The following DPP6 variants were observed in gnomAD, a reference collection of about 807,000 sequenced individuals.
The protein encoded by DPP6 is dipeptidyl peptidase like 6, also known as A-type potassium channel modulatory protein DPP6.
In DPP6, 69 loss-of-function variants were observed where a neutral mutation model predicts 122.6. The ratio of observed to expected loss-of-function variants is 0.56; its 90% confidence interval spans 0.46 to 0.69. DPP6 has a LOEUF of 0.69. DPP6 is among the 30% of genes least tolerant of loss of function. DPP6 has a pLI of 0.00. For missense variants in DPP6, 928 were observed against 1,116.9 expected, an observed-to-expected ratio of 0.83 and a Z score of 2.41; for synonymous variants, 418 against 433.1, an observed-to-expected ratio of 0.97 and a Z score of 0.43.
At chr7:154,160,907 C>G (rs11768404) in intron 1 of DPP6, among the ~76,000 whole-genome samples, 14,610 of 151,924 alleles carry the variant, frequency 0.096, 1,266 homozygotes, top group African/African-American at 0.23. Context: ...GCAAAACCGC[C>G]GACAGCAAGA....
At chr7:154,212,929 T>G (rs1424938842) in intron 1 of DPP6, among the ~76,000 whole-genome samples, 1 of 152,110 alleles carries the variant, frequency 6.6e-6, no homozygotes, top group East Asian at 1.9e-4. Context: ...AAGGACAAGT[T>G]TAGCCCCAGG....
intron 1 of DPP6, among the ~76,000 whole-genome samples, chr7:154,336,552 G>C (rs73729110): frequency 0.011 from 1,715 of 152,282 alleles, 30 homozygotes; most frequent in African/African-American, 0.039. Flanking sequence ...GGATTTGCCA[G>C]AGCTGGAACG....
intron 5 of DPP6, among the ~76,000 whole-genome samples, chr7:154,570,122 G>A (rs1831020582): frequency 6.6e-6 from 1 of 151,902 alleles, no homozygotes; most frequent in Non-Finnish European, 1.5e-5. Flanking sequence ...GAAATCAGCT[G>A]TCTTGGCAGT....
chr7:154,667,129 C>A (rs970254993), intron 6 of DPP6, among the ~76,000 whole-genome samples: 1 of 151,236 alleles, frequency 6.6e-6, no homozygotes, highest in Non-Finnish European at 1.5e-5. Context: ...ATTTTTATGT[C>A]TTTTTGTGAA....
chr7:154,350,718 C>A (rs1224487859), intron 1 of DPP6, among the ~76,000 whole-genome samples: 3 of 152,130 alleles, frequency 2.0e-5, no homozygotes, highest in Admixed American at 1.3e-4. Context: ...GGTAACAGAC[C>A]ACCAGTACAC....
At chr7:154,796,683 T>TA (rs1382501829) in intron 12 of DPP6, among the ~76,000 whole-genome samples, 1 of 152,218 alleles carries the variant, frequency 6.6e-6, no homozygotes, top group Non-Finnish European at 1.5e-5. Flanking sequence ...GACACAGGTA[T>TA]GCTTCTTCAT....
At position 154,060,802 on chromosome 7, in the gene DPP6, GAC is replaced by G. The variant is rs1801725217; in HGVS notation, c.243+7740_243+7741del. 1.8e-5 allele frequency among the ~76,000 whole-genome samples: 2 copies of G among 112,588 alleles called. 1 individual carries two copies. The highest frequency in any genetic ancestry group is 3.6e-5 in the Non-Finnish European group (2 of 56,012). The allele number at this position is 112,588 out of a possible 152,430, so 73.9% of individuals were successfully genotyped here. A position where few individuals can be genotyped will look rare whatever the true frequency, so the allele number is the denominator to read the frequency against. On this transcript the variant is annotated intron_variant, in intron 1 of 25. Transcript: ENST00000377770. ...CTTAGGACGCCCATCACAGGAGGGGGACGCACCCCCCATGAGGCAGGGACTGA... is the reference window on the plus strand; with the variant it reads ...CTTAGGACGCCCATCACAGGAGGGGGGCACCCCCCATGAGGCAGGGACTGA...
At chr7:153,815,249 A>C in the DPP6 span, among the ~76,000 whole-genome samples, 2 of 152,044 alleles carry the variant, frequency 1.3e-5, no homozygotes, top group African/African-American at 2.4e-5. Flanking sequence ...CTGATAAGCA[A>C]CTTCAGCAAA....
Position 154,053,153 on chromosome 7 carries a change from G to T in DPP6, c.243+90G>T, listed in dbSNP as rs541898873. On this transcript the variant is annotated intron_variant, in intron 1 of 25. Coordinates refer to ENST00000377770, the MANE Select transcript of DPP6 (RefSeq NM_130797.4). ...GTCGGCAGGGGAAATTTTTTTTGGGGGGGGAATCAGGCGCCCTCCCCCCGC... is the reference window on the plus strand; with the variant it reads ...GTCGGCAGGGGAAATTTTTTTTGGGTGGGGAATCAGGCGCCCTCCCCCCGC... 1,116 of 871,496 alleles carry T rather than the reference G, an allele frequency of 1.3e-3. 23 individuals carry two copies. The highest frequency in any genetic ancestry group is 1.1e-3 in the Middle Eastern group (2 of 1,784). 54.0% of individuals were successfully genotyped at this position (871,496 alleles called of 1,614,324 possible).
intron 1 of DPP6, among the ~76,000 whole-genome samples, chr7:154,209,260 A>G (rs1386727597): frequency 6.6e-6 from 1 of 152,228 alleles, no homozygotes; most frequent in Non-Finnish European, 1.5e-5. Context: ...TGCATTCTGC[A>G]GCACCTGCTA....
At position 154,433,251 on chromosome 7, in the gene DPP6, T is replaced by A. The variant is rs535448405; in HGVS notation, c.244-12963T>A. Among the ~76,000 whole-genome samples, 10 of 146,284 alleles carry A rather than the reference T, an allele frequency of 6.8e-5. No homozygotes were observed. In the East Asian group the frequency reaches 1.3e-3, roughly 19 times the overall value. Reference sequence around the variant, plus strand: ...ACCTCTGCCTCCCAGGTTCAAGCAATTCTCCTGTCTCAGCCTCCCAAGTAG... The same window carrying A: ...ACCTCTGCCTCCCAGGTTCAAGCAAATCTCCTGTCTCAGCCTCCCAAGTAG... On this transcript the variant is annotated intron_variant, in intron 1 of 25. Coordinates refer to ENST00000377770, the MANE Select transcript of DPP6 (RefSeq NM_130797.4).
At chr7:154,440,099 G>A (rs1315710288) in intron 1 of DPP6, among the ~76,000 whole-genome samples, 3 of 152,110 alleles carry the variant, frequency 2.0e-5, no homozygotes, top group Non-Finnish European at 4.4e-5. Flanking sequence ...ATAATTAATT[G>A]CCAGTCCTCG....
At chr7:153,832,530 T>C in the DPP6 span, among the ~76,000 whole-genome samples, 1 of 152,336 alleles carries the variant, frequency 6.6e-6, no homozygotes, top group African/African-American at 2.4e-5. Flanking sequence ...ACAAGTTGCT[T>C]TTGTAGGCTA....
chr7:154,008,754 C>A (rs1467128077), intron 1 of DPP6, among the ~76,000 whole-genome samples: 1 of 150,380 alleles, frequency 6.6e-6, no homozygotes, highest in Non-Finnish European at 1.5e-5. Context: ...CTCCGCCTCC[C>A]AGGTTCACGC....
At chr7:153,995,300 T>C (rs57221922) in intron 1 of DPP6, among the ~76,000 whole-genome samples, 3,001 of 152,238 alleles carry the variant, frequency 0.02, 106 homozygotes, top group African/African-American at 0.068. Flanking sequence ...TAAGAAGGAA[T>C]GAAGGGCTGG....
chr7:154,060,809 C>A lies in DPP6; in HGVS notation c.243+7746C>A, dbSNP rs1389952868. 2.6e-4 allele frequency among the ~76,000 whole-genome samples: 34 copies of A among 129,278 alleles called. 3 individuals are homozygous for A. The highest frequency in any genetic ancestry group is 2.4e-3 in the Admixed American group (32 of 13,378). The allele number at this position is 129,278 out of a possible 152,430, so 84.8% of individuals were successfully genotyped here. A position where few individuals can be genotyped will look rare whatever the true frequency, so the allele number is the denominator to read the frequency against. ...CGCCCATCACAGGAGGGGGACGCACCCCCCATGAGGCAGGGACTGAGAGCC... is the reference window on the plus strand; with the variant it reads ...CGCCCATCACAGGAGGGGGACGCACACCCCATGAGGCAGGGACTGAGAGCC... On this transcript the variant is annotated intron_variant, in intron 1 of 25. Coordinates refer to ENST00000377770, the MANE Select transcript of DPP6 (RefSeq NM_130797.4).
intron 7 of DPP6, among the ~76,000 whole-genome samples, chr7:154,701,761 A>G (rs968558425): frequency 6.6e-5 from 10 of 152,180 alleles, no homozygotes; most frequent in Admixed American, 3.3e-4. Flanking sequence ...ATTCAAACCC[A>G]CAAAGTTATT....
rs1795481902 is a variant in DPP6 at position 154,760,685 on chromosome 7, G to A, written c.884-8732G>A. ...CCTTGCCACACTGGGACCTGTTTGAGCGTGAGGCAGGTGAGCAGAAGACAT... is the reference window on the plus strand; with the variant it reads ...CCTTGCCACACTGGGACCTGTTTGAACGTGAGGCAGGTGAGCAGAAGACAT... On this transcript the variant is annotated intron_variant, in intron 8 of 25. Transcript: ENST00000377770. The surrounding 1 kb of genome is among the most constrained non-coding windows in gnomAD (Gnocchi z 4.5). 6.6e-6 allele frequency among the ~76,000 whole-genome samples: 1 copy of A among 152,134 alleles called. No individual in the cohort carries two copies. The highest frequency in any genetic ancestry group is 1.5e-5 in the Non-Finnish European group (1 of 68,032).
At chr7:154,287,770 T>G (rs1005279964) in intron 1 of DPP6, among the ~76,000 whole-genome samples, 3 of 152,092 alleles carry the variant, frequency 2.0e-5, no homozygotes, top group African/African-American at 7.2e-5. Context: ...GGAACAGGAA[T>G]GTCTGGCAGA....
Sources: allele counts gnomAD v4.1 joint callset (sites outside exome capture counted in the v4.1 genomes callset), GRCh38; gene constraint gnomAD v4.1.1; non-coding constraint Gnocchi (gnomAD v3.1); transcripts MANE v1.5; gene names NCBI Gene and HGNC (gene_info 2026-07-23, HGNC 2026-07-21).